Variants in PFN2 observed in about 807,000 individuals in gnomAD.
The protein encoded by PFN2 is profilin-2.
In PFN2, 8 loss-of-function variants were observed where a neutral mutation model predicts 15.3. That is an observed-to-expected ratio of 0.52 (90% confidence interval 0.31 to 0.95). The LOEUF (loss-of-function observed/expected upper bound fraction) is 0.95, where lower values mean the gene tolerates loss of function less well. PFN2 is among the 40% of genes least tolerant of loss of function. The pLI, the probability that PFN2 is intolerant of heterozygous loss-of-function variation, is 0.05. For synonymous variants in PFN2, 79 were observed against 67.9 expected (o/e 1.16, Z -0.81); for missense variants, 111 against 182.3 (o/e 0.61, Z 2.25).
intron 1 of PFN2, among the ~76,000 whole-genome samples, chr3:149,969,339 T>G: frequency 6.6e-6 from 1 of 152,268 alleles, no homozygotes; most frequent in South Asian, 2.1e-4. Flanking sequence ...CATTCTAACA[T>G]TCCATGAATA....
chr3:149,969,754 AAGCTGGAGG>A (rs1183164725), intron 1 of PFN2, among the ~76,000 whole-genome samples: 4 of 152,212 alleles, frequency 2.6e-5, no homozygotes, highest in Non-Finnish European at 5.9e-5. Context: ...GCAAAACAAT[AAGCTGGAGG>A]TTTTGTGGCA....
intron 1 of PFN2, among the ~76,000 whole-genome samples, chr3:149,969,644 G>T (rs1722791325): frequency 6.6e-6 from 1 of 152,174 alleles, no homozygotes; most frequent in Admixed American, 6.5e-5. Flanking sequence ...CTGAATTTTG[G>T]TGCTTAATGG....
At chr3:149,969,226 T>G (rs757701257) in intron 1 of PFN2, among the ~76,000 whole-genome samples, 22 of 152,204 alleles carry the variant, frequency 1.4e-4, no homozygotes, top group Non-Finnish European at 1.5e-4. Flanking sequence ...GCAAAGTGGA[T>G]TCTGTCTACA....
rs1355451485 is a variant in PFN2, at chr3:149,966,485, G to A, written c.*4C>T. On this transcript the variant is annotated 3_prime_UTR_variant, in exon 3 of 3. Transcript: ENST00000239940. Reference sequence around the variant, plus strand: ...CCCCTAATACTTAACAGTCTGCCTAGCAGCTAGAACCCAGAGTCTCTCAAG... The same window carrying A: ...CCCCTAATACTTAACAGTCTGCCTAACAGCTAGAACCCAGAGTCTCTCAAG... 1 of 1,612,336 alleles carries A rather than the reference G, an allele frequency of 6.2e-7. No homozygotes were observed. The highest frequency in any genetic ancestry group is 1.1e-5 in the South Asian group (1 of 90,864).
intron 2 of PFN2, among the ~76,000 whole-genome samples, chr3:149,967,719 G>C (rs991352815): frequency 5.9e-5 from 9 of 152,184 alleles, no homozygotes; most frequent in Non-Finnish European, 1.3e-4. Context: ...GTGCAATTAA[G>C]AGTTTCTATA....
chr3:149,966,884 G>A (rs1372157149), intron 2 of PFN2, among the ~76,000 whole-genome samples: 1 of 150,706 alleles, frequency 6.6e-6, no homozygotes, highest in Non-Finnish European at 1.5e-5. Flanking sequence ...CTATTTTAGG[G>A]CAAAAAAATT....
Position 149,966,503 on chromosome 3 carries a change from C to G in PFN2, c.409G>C (p.Asp137His). The change falls in exon 3 of 3, where the codon GAC becomes CAC. Residue 137 changes from aspartate (D) to histidine (H), a missense_variant. Transcript: ENST00000239940. ...KAYSMAKYLR[D>H]SGF ...CTGCCTAGCAGCTAGAACCCAGAGT[C>G]TCTCAAGTATTTTGCCATTGAGTAT... 3 of 1,613,004 alleles carry G rather than the reference C, an allele frequency of 1.9e-6. No homozygotes were observed. The highest frequency in any genetic ancestry group is 2.5e-6 in the Non-Finnish European group (3 of 1,179,062).
chr3:149,966,496 C>T lies in PFN2; in HGVS notation c.416G>A (p.Gly139Glu). The T allele has an allele frequency of 6.2e-7, 1 of 1,612,844 alleles. No homozygotes were observed. The highest frequency in any genetic ancestry group is 8.5e-7 in the Non-Finnish European group (1 of 1,178,990). ...TAACAGTCTGCCTAGCAGCTAGAAC[C>T]CAGAGTCTCTCAAGTATTTTGCCAT... ...YSMAKYLRDS[G>E]F is the part of the protein sequence containing the mutation. Residue 139 changes from glycine (G) to glutamate (E), a missense_variant, in exon 3 of 3, where the codon GGG becomes GAG. Around this residue, in one of 2 missense-constraint regions of PFN2, gnomAD observed 47 missense variants for 112.7 expected, o/e 0.42. Transcript: ENST00000239940.
rs1044391490 is a variant in PFN2, at chr3:149,965,849, G to A, written c.*640C>T. 1.2e-5 allele frequency: 14 copies of A among 1,141,332 alleles called. No homozygotes were observed. The highest frequency in any genetic ancestry group is 1.6e-5 in the African/African-American group (1 of 61,918). The allele number at this position is 1,141,332 out of a possible 1,614,324, so 70.7% of individuals were successfully genotyped here. On this transcript the variant is annotated 3_prime_UTR_variant, in exon 3 of 3. Coordinates refer to ENST00000239940, the MANE Select transcript of PFN2 (RefSeq NM_053024.4). Reference sequence around the variant, plus strand: ...GACACTGATCAGAGATTGTACAACCGGCACCTTGCTTAATATTAACTTATT... The same window carrying A: ...GACACTGATCAGAGATTGTACAACCAGCACCTTGCTTAATATTAACTTATT...
chr3:149,965,885 A>G lies in PFN2; in HGVS notation c.*604T>C, dbSNP rs2108629075. 8.0e-7 allele frequency: 1 copy of G among 1,245,432 alleles called. No homozygotes were observed. The highest frequency in any genetic ancestry group is 1.0e-6 in the Non-Finnish European group (1 of 992,656). 77.1% of individuals were successfully genotyped at this position (1,245,432 alleles called of 1,614,324 possible). A position where few individuals can be genotyped will look rare whatever the true frequency, so the allele number is the denominator to read the frequency against. ...TAATATTAACTTATTTTAGTAATCA[A>G]TATCCCATTAATTGCTAAGACAAAG... On this transcript the variant is annotated 3_prime_UTR_variant, in exon 3 of 3. Transcript: ENST00000239940.
chr3:149,967,735 G>A (rs886785162), intron 2 of PFN2, among the ~76,000 whole-genome samples: 1 of 152,190 alleles, frequency 6.6e-6, no homozygotes, highest in Non-Finnish European at 1.5e-5. Context: ...CTATAATGCT[G>A]ACAACAGTCT....
In PFN2 at chr3:149,965,492, G is replaced by A; in HGVS notation, c.*997C>T. On this transcript the variant is annotated 3_prime_UTR_variant, in exon 3 of 3. Coordinates refer to ENST00000239940, the MANE Select transcript of PFN2 (RefSeq NM_053024.4). ...TATGGTTACTGTAAGGTCATGGGAG[G>A]AAGTGCTTTTTGCTCTTGTTTTGCC... The A allele has an allele frequency of 1.4e-6, 2 of 1,410,406 alleles. No homozygotes were observed. Among genetic ancestry groups the A allele is most frequent in the Non-Finnish European group, 1.8e-6 (2 of 1,089,134 alleles). The allele number at this position is 1,410,406 out of a possible 1,614,324, so 87.4% of individuals were successfully genotyped here. A position where few individuals can be genotyped will look rare whatever the true frequency, so the allele number is the denominator to read the frequency against.
At chr3:149,968,232 C>T (rs1722745397) in intron 2 of PFN2, 126 bp downstream of exon 2, 1 of 772,216 alleles carries the variant, frequency 1.3e-6, no homozygotes, top group Non-Finnish European at 2.2e-6. Flanking sequence ...CTCCATAGTG[C>T]TGGGCAGTTC....
intron 1 of PFN2, 139 bp downstream of exon 1, chr3:149,970,586 A>C: frequency 1.2e-6 from 1 of 825,492 alleles, no homozygotes; most frequent in Non-Finnish European, 1.6e-6. Flanking sequence ...CCCGCCCGGC[A>C]GCCGCATCCT....
In PFN2 at chr3:149,965,943, A is replaced by G. The variant is rs1576617999; in HGVS notation, c.*546T>C. The G allele has an allele frequency of 1.5e-6, 2 of 1,327,714 alleles. No individual in the cohort carries two copies. Among genetic ancestry groups the G allele is most frequent in the South Asian group, 2.1e-5 (1 of 47,412 alleles). 82.2% of individuals were successfully genotyped at this position (1,327,714 alleles called of 1,614,324 possible). Reference sequence around the variant, plus strand: ...CAACTTGGCATGCCCCCTCCCCCCAATTTCAAGGTATCATGCAAATCATTA... The same window carrying G: ...CAACTTGGCATGCCCCCTCCCCCCAGTTTCAAGGTATCATGCAAATCATTA... On this transcript the variant is annotated 3_prime_UTR_variant, in exon 3 of 3. Transcript: ENST00000239940.
At chr3:149,970,575 G>T (rs908646871) in intron 1 of PFN2, 150 bp downstream of exon 1, 3 of 744,976 alleles carry the variant, frequency 4.0e-6, no homozygotes, top group Non-Finnish European at 5.5e-6. Flanking sequence ...CGGCCTCCCC[G>T]CCCGCCCGGC....
At position 149,968,330 on chromosome 3, in the gene PFN2, A is replaced by C. The variant is rs1463528163; in HGVS notation, c.325+28T>G. The stretch of plus-strand genomic sequence containing the variant: ...TTAATAAGTTGTAATGTGGCATGCA[A>C]CTTTAACCAAAAGAATGCCTTACTC... On this transcript the variant is annotated intron_variant, in intron 2 of 2. Transcript: ENST00000239940. The C allele has an allele frequency of 2.5e-6, 4 of 1,596,630 alleles. No homozygotes were observed. The South Asian group carries it at 4.4e-5, about 18-fold the overall frequency.
Position 149,965,976 on chromosome 3 carries a change from G to A in PFN2, c.*513C>T. ...GTATCATGCAAATCATTATTGTGCT[G>A]CAATTATGTTGCCAGATAAGGGTTG... On this transcript the variant is annotated 3_prime_UTR_variant, in exon 3 of 3. Coordinates refer to ENST00000239940, the MANE Select transcript of PFN2 (RefSeq NM_053024.4). The A allele has an allele frequency of 7.2e-7, 1 of 1,381,248 alleles. No homozygotes were observed. Among genetic ancestry groups the A allele is most frequent in the South Asian group, 1.8e-5 (1 of 56,258 alleles). The allele number at this position is 1,381,248 out of a possible 1,614,324, so 85.6% of individuals were successfully genotyped here.
chr3:149,968,149 C>T (rs1254886612), intron 2 of PFN2: 3 of 464,774 alleles, frequency 6.5e-6, no homozygotes, highest in African/African-American at 4.0e-5. Context: ...AATATTCTAT[C>T]GTAGAAACAA....
Sources: allele counts gnomAD v4.1 joint callset (sites outside exome capture counted in the v4.1 genomes callset), GRCh38; gene constraint gnomAD v4.1.1; regional missense constraint gnomAD v4.1.1; transcripts MANE v1.5; gene names NCBI Gene and HGNC (gene_info 2026-07-23, HGNC 2026-07-21).